Variants in CNTN4 observed in about 807,000 individuals in gnomAD.
The protein encoded by CNTN4 is contactin 4.
A neutral mutation model predicts 122.5 loss-of-function variants in CNTN4; 77 were observed. The observed-to-expected ratio is 0.63, with a 90% CI of 0.52 to 0.76. The LOEUF (loss-of-function observed/expected upper bound fraction) is 0.76, where lower values mean the gene tolerates loss of function less well. Among genes scored for constraint, CNTN4 ranks in the 30% least tolerant of loss-of-function variants. CNTN4 has a pLI of 0.00. For synonymous variants in CNTN4, 512 were observed against 447.0 expected, an observed-to-expected ratio of 1.15 and a Z score of -1.83; for missense variants, 1,256 against 1,259.1, an observed-to-expected ratio of 1.00 and a Z score of 0.04.
At chr3:2,981,829 G>A (rs543736881) in intron 13 of CNTN4, among the ~76,000 whole-genome samples, 8 of 152,238 alleles carry the variant, frequency 5.3e-5, no homozygotes, top group Non-Finnish European at 4.4e-5. Flanking sequence ...CGGATCACTT[G>A]AGGTCAGAAG....
At chr3:2,861,471 A>G (rs1203611458) in intron 7 of CNTN4, among the ~76,000 whole-genome samples, 1 of 152,202 alleles carries the variant, frequency 6.6e-6, no homozygotes, top group African/African-American at 2.4e-5. Context: ...CACTTTTCAC[A>G]TCTACTTTCT....
intron 3 of CNTN4, among the ~76,000 whole-genome samples, chr3:2,437,877 C>A (rs1357975082): frequency 2.0e-5 from 3 of 149,276 alleles, no homozygotes; most frequent in African/African-American, 7.4e-5. Flanking sequence ...GGCTTGCCTA[C>A]TTTACCAGTT....
intron 3 of CNTN4, among the ~76,000 whole-genome samples, chr3:2,430,284 T>C (rs1317247665): frequency 2.0e-5 from 3 of 151,558 alleles, no homozygotes; most frequent in Non-Finnish European, 4.4e-5. Flanking sequence ...TAGCCGGGCG[T>C]GGTGGCGGGC....
intron 8 of CNTN4, among the ~76,000 whole-genome samples, chr3:2,869,632 T>C (rs1339751967): frequency 6.6e-6 from 1 of 152,204 alleles, no homozygotes; most frequent in Non-Finnish European, 1.5e-5. Flanking sequence ...TGGCCATCTT[T>C]CTATAATAAC....
At chr3:2,797,638 C>G (rs1267279459) in intron 6 of CNTN4, among the ~76,000 whole-genome samples, 1 of 152,142 alleles carries the variant, frequency 6.6e-6, no homozygotes, top group Non-Finnish European at 1.5e-5. Flanking sequence ...CCAAAGAGTT[C>G]AGTGCCCAGA....
At chr3:2,652,257 T>A (rs1303355589) in intron 4 of CNTN4, among the ~76,000 whole-genome samples, 1 of 152,062 alleles carries the variant, frequency 6.6e-6, no homozygotes, top group Non-Finnish European at 1.5e-5. Flanking sequence ...CCAAGAAATT[T>A]GGGAACAGAA....
intron 3 of CNTN4, among the ~76,000 whole-genome samples, chr3:2,536,587 A>ATT (rs79258066): frequency 8.5e-5 from 12 of 141,066 alleles, no homozygotes; most frequent in South Asian, 4.5e-4. Flanking sequence ...TTTTTAAATA[A>ATT]TTTTTTTTTT....
chr3:2,283,893 A>G (rs1169088234), intron 2 of CNTN4, among the ~76,000 whole-genome samples: 1 of 152,134 alleles, frequency 6.6e-6, no homozygotes, highest in East Asian at 1.9e-4. Context: ...AAAGCTAAAA[A>G]AGCATATTTC....
chr3:2,757,984 G>A (rs1438552808), intron 6 of CNTN4, among the ~76,000 whole-genome samples: 1 of 152,080 alleles, frequency 6.6e-6, no homozygotes, highest in African/African-American at 2.4e-5. Context: ...TCTGTCATTA[G>A]CATTTCAGAT....
intron 2 of CNTN4, among the ~76,000 whole-genome samples, chr3:2,313,005 A>T (rs1004092391): frequency 6.6e-6 from 1 of 152,092 alleles, no homozygotes; most frequent in African/African-American, 2.4e-5. Flanking sequence ...ATATAGCCTT[A>T]AAAAAGTTAT....
At chr3:2,707,401 C>A (rs1191618277) in intron 4 of CNTN4, among the ~76,000 whole-genome samples, 6 of 151,680 alleles carry the variant, frequency 4.0e-5, no homozygotes, top group Non-Finnish European at 7.4e-5. Context: ...AATTTAAATT[C>A]AAAAATCTTT....
chr3:2,166,616 C>T (rs1362469870), intron 2 of CNTN4, among the ~76,000 whole-genome samples: 3 of 151,966 alleles, frequency 2.0e-5, no homozygotes, highest in Non-Finnish European at 4.4e-5. Context: ...GACAAAAATG[C>T]AATCATTTTT....
At chr3:2,555,968 A>G (rs1368603968) in intron 3 of CNTN4, among the ~76,000 whole-genome samples, 4 of 152,154 alleles carry the variant, frequency 2.6e-5, no homozygotes, top group Non-Finnish European at 4.4e-5. Context: ...CATCCCTTAG[A>G]CAGATAAGGT....
At chr3:2,216,546 CA>C (rs1258874983) in intron 2 of CNTN4, among the ~76,000 whole-genome samples, 2 of 151,838 alleles carry the variant, frequency 1.3e-5, no homozygotes, top group Non-Finnish European at 2.9e-5. Context: ...AAAAGTTAAA[CA>C]AAAAAAGAAT....
intron 7 of CNTN4, among the ~76,000 whole-genome samples, chr3:2,850,547 C>T (rs1022778511): frequency 1.3e-5 from 2 of 152,138 alleles, no homozygotes; most frequent in Non-Finnish European, 2.9e-5. Flanking sequence ...TCAGCTTGCA[C>T]CCAGATCATG....
chr3:2,353,266 A>T (rs912067961), intron 3 of CNTN4, among the ~76,000 whole-genome samples: 12 of 152,144 alleles, frequency 7.9e-5, no homozygotes, highest in African/African-American at 2.9e-4. Context: ...TGTCTAGCTC[A>T]GGGATTGTAA....
At chr3:2,406,094 C>CACTGG (rs1404713408) in intron 3 of CNTN4, among the ~76,000 whole-genome samples, 2 of 151,526 alleles carry the variant, frequency 1.3e-5, no homozygotes, top group Non-Finnish European at 2.9e-5. Context: ...AGATGAGATA[C>CACTGG]ACTGGCATGC....
At position 2,572,521 on chromosome 3, in the gene CNTN4, G is replaced by A. The variant is rs989169438; in HGVS notation, c.55+963G>A. The stretch of plus-strand genomic sequence containing the variant: ...GTGCATCAGAAGTCCAGCATGCAGC[G>A]GGAATTGGTTTGCAGCTTGGGCTGC... On this transcript the variant is annotated intron_variant, in intron 4 of 24. Coordinates refer to ENST00000418658, the MANE Select transcript of CNTN4 (RefSeq NM_175607.3). 3.9e-5 allele frequency among the ~76,000 whole-genome samples: 6 copies of A among 152,218 alleles called. No individual in the cohort carries two copies. In the East Asian group the frequency reaches 5.8e-4, roughly 15 times the overall value.
At chr3:2,754,745 G>GA (rs201877364) in intron 6 of CNTN4, among the ~76,000 whole-genome samples, 1,459 of 119,406 alleles carry the variant, frequency 0.012, 16 homozygotes, top group African/African-American at 0.038. Context: ...GGAATGAAGT[G>GA]AAAAAAAAAA....
Sources: gnomAD v4.1 joint callset for allele counts (sites outside exome capture counted in the v4.1 genomes callset) on GRCh38, gnomAD v4.1.1 for gene constraint, MANE v1.5 for transcripts, NCBI Gene and HGNC (gene_info 2026-07-23, HGNC 2026-07-21) for gene names.